CIMIP2A: variants seen among roughly 807,000 people sequenced by gnomAD.
CIMIP2A encodes the protein ciliary microtubule inner protein 2A.
the CIMIP2A span, chr9:137,251,744 GGCATCTGT>G: frequency 1.3e-6 from 2 of 1,567,072 alleles, no homozygotes; most frequent in South Asian, 2.3e-5. Flanking sequence ...GCAGGCCCAA[GGCATCTGT>G]GCTGTTGTTG....
the CIMIP2A span, chr9:137,251,445 G>A: frequency 2.2e-6 from 3 of 1,391,284 alleles, no homozygotes; most frequent in South Asian, 1.2e-5. Context: ...GGAGTGGCCA[G>A]GGGGCTGAGG....
the CIMIP2A span, chr9:137,251,089 C>A: frequency 1.0e-5 from 6 of 590,616 alleles, no homozygotes; most frequent in Non-Finnish European, 1.5e-5. Context: ...GTCACCGGGG[C>A]AGGCTGGGGG....
chr9:137,249,441 GT>G, the CIMIP2A span, among the ~76,000 whole-genome samples: 1 of 152,108 alleles, frequency 6.6e-6, no homozygotes, highest in Non-Finnish European at 1.5e-5. Context: ...TTCCTGGCTG[GT>G]AATTCCCATA....
At chr9:137,245,528 G>C in the CIMIP2A span, 1 of 1,613,708 alleles carries the variant, frequency 6.2e-7, no homozygotes, top group Non-Finnish European at 8.5e-7. Context: ...AGCTGGCCCA[G>C]AATCTCAAAG....
chr9:137,246,750 G>A, the CIMIP2A span, among the ~76,000 whole-genome samples: 18 of 151,922 alleles, frequency 1.2e-4, no homozygotes, highest in Non-Finnish European at 1.6e-4. Context: ...GCAACAGAGC[G>A]AGACTCCGTC....
the CIMIP2A span, chr9:137,245,416 G>A: frequency 2.4e-4 from 382 of 1,613,794 alleles, no homozygotes; most frequent in South Asian, 3.0e-4. Flanking sequence ...TGGTGGGCAC[G>A]GAGGGTGCGG....
At chr9:137,251,624 G>T in the CIMIP2A span, 1 of 1,304,958 alleles carries the variant, frequency 7.7e-7, no homozygotes, top group Non-Finnish European at 1.0e-6. Flanking sequence ...ACAGGCTGTG[G>T]GGCACGTGGC....
the CIMIP2A span, among the ~76,000 whole-genome samples, chr9:137,246,655 C>T: frequency 1.3e-5 from 2 of 151,992 alleles, no homozygotes; most frequent in African/African-American, 2.4e-5. Context: ...CCCAGCTGCT[C>T]GGGAGGCTGA....
chr9:137,251,546 C>G, the CIMIP2A span: 1 of 964,922 alleles, frequency 1.0e-6, no homozygotes, highest in East Asian at 2.6e-5. Flanking sequence ...TGGGAGCGGC[C>G]AGGGGCTGAG....
the CIMIP2A span, chr9:137,244,196 G>C: frequency 1.2e-6 from 2 of 1,613,814 alleles, no homozygotes; most frequent in Non-Finnish European, 1.7e-6. Flanking sequence ...TGTAGAAGGG[G>C]ATCAGGCCTT....
At chr9:137,246,881 G>A in the CIMIP2A span, among the ~76,000 whole-genome samples, 1 of 152,144 alleles carries the variant, frequency 6.6e-6, no homozygotes, top group Non-Finnish European at 1.5e-5. Flanking sequence ...CATGTAGCGT[G>A]TGTGTATGTA....
the CIMIP2A span, chr9:137,243,937 T>A: frequency 1.0e-6 from 1 of 998,350 alleles, no homozygotes; most frequent in Non-Finnish European, 1.5e-6. Context: ...AGGCCTGTCC[T>A]GTTCCAGGTA....
chr9:137,253,957 C>T, the CIMIP2A span, among the ~76,000 whole-genome samples: 142 of 152,324 alleles, frequency 9.3e-4, no homozygotes, highest in African/African-American at 3.3e-3. Flanking sequence ...ACTCCACTCC[C>T]GGGGCCTTCA....
At chr9:137,253,218 C>T in the CIMIP2A span, 100 of 1,608,418 alleles carry the variant, frequency 6.2e-5, no homozygotes, top group East Asian at 1.4e-3. Flanking sequence ...CCAAGCGCCA[C>T]GACACAGGCC....
the CIMIP2A span, chr9:137,252,675 C>G: frequency 1.3e-6 from 2 of 1,548,332 alleles, no homozygotes; most frequent in Non-Finnish European, 1.7e-6. Flanking sequence ...CCCTCGCCAG[C>G]CCACTACCAG....
At chr9:137,245,146 A>G in the CIMIP2A span, 1 of 1,588,572 alleles carries the variant, frequency 6.3e-7, no homozygotes, top group South Asian at 1.1e-5. Context: ...AGCCGCTGGA[A>G]GCTGCCCACA....
At chr9:137,243,979 C>T in the CIMIP2A span, among the ~76,000 whole-genome samples, 4 of 151,972 alleles carry the variant, frequency 2.6e-5, no homozygotes, top group East Asian at 1.9e-4. Flanking sequence ...GTGTCTGGGA[C>T]TTAGGTGGGT....
the CIMIP2A span, chr9:137,252,931 C>A: frequency 6.2e-7 from 1 of 1,600,190 alleles, no homozygotes; most frequent in Non-Finnish European, 8.5e-7. Flanking sequence ...TCTCGATGAG[C>A]CGCTCCCCTG....
chr9:137,243,888 C>G, the CIMIP2A span: 11 of 1,306,660 alleles, frequency 8.4e-6, no homozygotes, highest in African/African-American at 5.8e-5. Flanking sequence ...GCCCTGGGCC[C>G]TGGGTATCTG....
Sources: allele counts gnomAD v4.1 joint callset (sites outside exome capture counted in the v4.1 genomes callset), GRCh38; gene constraint gnomAD v4.1.1; transcripts MANE v1.5; gene names NCBI Gene and HGNC (gene_info 2026-07-23, HGNC 2026-07-21).